Variants in RTN4RL1 observed in about 807,000 individuals in gnomAD.
RTN4RL1 encodes reticulon 4 receptor like 1, also known as reticulon-4 receptor-like 1.
RTN4RL1 carries 7 observed loss-of-function variants against 25.6 expected under a neutral mutation model. The observed-to-expected ratio is 0.27, with a 90% CI of 0.16 to 0.51. The LOEUF (loss-of-function observed/expected upper bound fraction) is 0.51. Ranked by LOEUF, RTN4RL1 falls within the 20% of genes least tolerant of loss-of-function variation. RTN4RL1 has a pLI of 0.97. For missense variants in RTN4RL1, 500 were observed against 615.6 expected (o/e 0.81, Z 1.99); for synonymous variants, 297 against 288.2 (o/e 1.03, Z -0.31).
chr17:1,998,303 G>A lies in RTN4RL1; in HGVS notation c.13+26550C>T, dbSNP rs2066939298. On this transcript the variant is annotated intron_variant, in intron 1 of 1. Transcript: ENST00000331238. The surrounding 1 kb of genome is among the most constrained non-coding windows in gnomAD (Gnocchi z 4.9). The stretch of plus-strand genomic sequence containing the variant: ...CAAGGCCTCCCGCAGGCCGACCCGA[G>A]CCGAGCGCGCCCTTTGGGCACCGGC... Among the ~76,000 whole-genome samples, 2 of 152,188 alleles carry A rather than the reference G, an allele frequency of 1.3e-5. No individual in the cohort carries two copies. Among genetic ancestry groups the A allele is most frequent in the South Asian group, 4.1e-4 (2 of 4,836 alleles).
rs1408181695 is a variant in RTN4RL1, at chr17:2,015,271, T to C, written c.13+9582A>G. On this transcript the variant is annotated intron_variant, in intron 1 of 1. Coordinates refer to ENST00000331238, the MANE Select transcript of RTN4RL1 (RefSeq NM_178568.4). ...TGGAGAGCAATGGTGCCAGATGCCA[T>C]GATGGGGAAATTGCGGAAGAGGCAA... Among the ~76,000 whole-genome samples the C allele has an allele frequency of 5.3e-5, 8 of 152,026 alleles. No individual in the cohort carries two copies. In the East Asian group the frequency reaches 1.2e-3, roughly 22 times the overall value.
At chr17:1,939,221 C>T (rs867622420) in intron 1 of RTN4RL1, among the ~76,000 whole-genome samples, 4 of 151,566 alleles carry the variant, frequency 2.6e-5, no homozygotes, top group Admixed American at 6.6e-5. Context: ...GGCGTGGTGG[C>T]GCGCACTTGT....
At chr17:1,967,092 T>C (rs3935865) in intron 1 of RTN4RL1, among the ~76,000 whole-genome samples, 33,379 of 152,032 alleles carry the variant, frequency 0.22, 4,006 homozygotes, top group Middle Eastern at 0.28. Context: ...AGGGAGGTGG[T>C]ACAGGTGGCA....
intron 1 of RTN4RL1, among the ~76,000 whole-genome samples, chr17:2,005,953 C>T (rs1213315052): frequency 1.3e-5 from 2 of 151,326 alleles, no homozygotes; most frequent in African/African-American, 2.4e-5. Context: ...CATGCCGCCA[C>T]GCCCGCCTTA....
intron 1 of RTN4RL1, among the ~76,000 whole-genome samples, chr17:1,968,618 T>C (rs2066803807): frequency 6.6e-6 from 1 of 152,196 alleles, no homozygotes; most frequent in African/African-American, 2.4e-5. Context: ...TCCCTGCATG[T>C]GCCATGTTCC....
intron 1 of RTN4RL1, among the ~76,000 whole-genome samples, chr17:1,943,023 C>T (rs72808041): frequency 2.0e-5 from 3 of 152,352 alleles, no homozygotes; most frequent in Non-Finnish European, 4.4e-5. Flanking sequence ...GGGACCAGCC[C>T]TCACAGGGCC....
chr17:2,019,945 C>G (rs745852965), intron 1 of RTN4RL1: 1 of 152,238 alleles, frequency 6.6e-6, no homozygotes, highest in African/African-American at 2.4e-5. Context: ...TTCTGGCATG[C>G]TGGTGAGAAA....
intron 1 of RTN4RL1, among the ~76,000 whole-genome samples, chr17:1,977,912 C>G (rs1429801462): frequency 6.8e-6 from 1 of 147,868 alleles, no homozygotes; most frequent in African/African-American, 2.5e-5. Flanking sequence ...GCACCTGCAT[C>G]GGAGCCCCGC....
intron 1 of RTN4RL1, among the ~76,000 whole-genome samples, chr17:1,986,220 T>A (rs1015958938): frequency 7.2e-5 from 11 of 152,122 alleles, no homozygotes; most frequent in African/African-American, 2.4e-4. Context: ...CTCGGCACCC[T>A]GTGAAGGACT....
intron 1 of RTN4RL1, among the ~76,000 whole-genome samples, chr17:1,974,334 T>C (rs1342515051): frequency 6.6e-6 from 1 of 151,724 alleles, no homozygotes; most frequent in East Asian, 1.9e-4. Context: ...GAGGTTGCAG[T>C]GAGCTGAGAT....
intron 1 of RTN4RL1, among the ~76,000 whole-genome samples, chr17:1,983,541 G>A (rs1407017533): frequency 6.6e-6 from 1 of 152,138 alleles, no homozygotes; most frequent in Non-Finnish European, 1.5e-5. Flanking sequence ...TGAGACCATA[G>A]TCACACAGCA....
intron 1 of RTN4RL1, chr17:1,995,825 C>T (rs1315194655): frequency 2.6e-5 from 4 of 152,380 alleles, no homozygotes; most frequent in Non-Finnish European, 5.9e-5. Flanking sequence ...AACTAGCTGT[C>T]GCTCAAGCAC....
intron 1 of RTN4RL1, 62 bp downstream of exon 1, chr17:2,024,791 C>G: frequency 2.0e-6 from 3 of 1,513,506 alleles, no homozygotes; most frequent in East Asian, 5.0e-5. Context: ...GGGCGGCGCC[C>G]GGGCTCGCGG....
At chr17:1,975,349 T>A (rs2066838358) in intron 1 of RTN4RL1, among the ~76,000 whole-genome samples, 1 of 152,120 alleles carries the variant, frequency 6.6e-6, no homozygotes, top group Non-Finnish European at 1.5e-5. Flanking sequence ...GTTCAGAGCA[T>A]CAGCAGAAAA....
chr17:1,947,085 G>A (rs185345154), intron 1 of RTN4RL1, among the ~76,000 whole-genome samples: 25 of 146,012 alleles, frequency 1.7e-4, no homozygotes, highest in East Asian at 4.1e-4. Context: ...GGGTCTGTGC[G>A]TGTCTCTGTG....
intron 1 of RTN4RL1, among the ~76,000 whole-genome samples, chr17:1,978,003 C>T (rs2066850495): frequency 6.6e-6 from 1 of 151,238 alleles, no homozygotes; most frequent in Non-Finnish European, 1.5e-5. Context: ...ACCCCGGATC[C>T]CGCACCCCGC....
In RTN4RL1 at chr17:1,937,545, G is replaced by T. The variant is rs1175577569; in HGVS notation, c.277C>A (p.Pro93Thr). 1 of 1,614,018 alleles carries T rather than the reference G, an allele frequency of 6.2e-7. No homozygotes were observed. Among genetic ancestry groups the T allele is most frequent in the South Asian group, 1.1e-5 (1 of 91,080 alleles). Residue 93 changes from proline to threonine, a missense_variant, in exon 2 of 2, where the codon CCC (proline) becomes ACC (threonine). Physicochemically the swap from Pro to Thr is conservative, Grantham distance 38. Transcript: ENST00000331238. Reference sequence around the variant, plus strand: ...TGCACGAAGCCCTCGAAGGTGCTGGGGTGGATGTAGGTGATGTTGTTCGAG... The same window carrying T: ...TGCACGAAGCCCTCGAAGGTGCTGGTGTGGATGTAGGTGATGTTGTTCGAG... ...IYSNNITYIH[P>T]STFEGFVHLE...
Position 2,024,988 on chromosome 17 carries a change from A to T in RTN4RL1, c.-123T>A. 9.1e-7 allele frequency: 1 copy of T among 1,093,272 alleles called. No homozygotes were observed. Among genetic ancestry groups the T allele is most frequent in the Non-Finnish European group, 1.3e-6 (1 of 763,820 alleles). 67.7% of individuals were successfully genotyped at this position (1,093,272 alleles called of 1,614,324 possible). A position where few individuals can be genotyped will look rare whatever the true frequency, so the allele number is the denominator to read the frequency against. ...GCGTCGAGGCGGGGGCAAGCCGGGG[A>T]TCCGCTCGTGCCCGGTGGCCCGGCC... On this transcript the variant is annotated 5_prime_UTR_variant, in exon 1 of 2. Transcript: ENST00000331238.
chr17:1,973,310 G>A (rs938948603), intron 1 of RTN4RL1, among the ~76,000 whole-genome samples: 4 of 150,386 alleles, frequency 2.7e-5, no homozygotes, highest in Non-Finnish European at 4.4e-5. Flanking sequence ...AGGTTGCAGT[G>A]AGCTGAGATT....
Sources: allele counts gnomAD v4.1 joint callset (sites outside exome capture counted in the v4.1 genomes callset), GRCh38; gene constraint gnomAD v4.1.1; non-coding constraint Gnocchi (gnomAD v3.1); transcripts MANE v1.5; gene names NCBI Gene and HGNC (gene_info 2026-07-23, HGNC 2026-07-21).